The following WDR5 variants were observed in gnomAD, a reference collection of about 807,000 sequenced individuals.
WDR5 encodes WD repeat domain 5, also known as WD repeat-containing protein 5.
For synonymous variants in WDR5, 144 were observed against 161.6 expected, an observed-to-expected ratio of 0.89 and a Z score of 0.83; for missense variants, 187 against 416.9, an observed-to-expected ratio of 0.45 and a Z score of 4.80.
At chr9:134,137,609 G>A (rs1006747051) in intron 1 of WDR5, among the ~76,000 whole-genome samples, 4 of 147,292 alleles carry the variant, frequency 2.7e-5, no homozygotes, top group African/African-American at 1.0e-4. Flanking sequence ...ACTTGAACCC[G>A]GAAGGTGGAG....
At chr9:134,143,893 C>A (rs772027837) in intron 7 of WDR5, among the ~76,000 whole-genome samples, 2 of 151,948 alleles carry the variant, frequency 1.3e-5, no homozygotes, top group African/African-American at 4.8e-5. Context: ...ATAAACCGCT[C>A]CATTTCACAA....
chr9:134,153,373 C>T (rs2132576709), intron 9 of WDR5, among the ~76,000 whole-genome samples: 1 of 152,336 alleles, frequency 6.6e-6, no homozygotes, highest in African/African-American at 2.4e-5. Context: ...TCGGCGTCTC[C>T]TCAGGTCTAG....
intron 1 of WDR5, among the ~76,000 whole-genome samples, chr9:134,136,948 A>G (rs1831593659): frequency 6.6e-6 from 1 of 152,224 alleles, no homozygotes; most frequent in Non-Finnish European, 1.5e-5. Flanking sequence ...TGGGGAAGAC[A>G]GGAAAGCGAA....
chr9:134,158,599 G>A lies in WDR5; in HGVS notation c.*606G>A, dbSNP rs573930911. ...TTTGTGGCCCACATGCCGATAGCAC[G>A]GTCATCGCACATGACTCTCCCGTTT... On this transcript the variant is annotated 3_prime_UTR_variant, in exon 14 of 14. Transcript: ENST00000358625. 6.6e-6 allele frequency: 1 copy of A among 152,310 alleles called. No individual in the cohort carries two copies. Among genetic ancestry groups the A allele is most frequent in the East Asian group, 1.9e-4 (1 of 5,182 alleles). 9.4% of individuals were successfully genotyped at this position (152,310 alleles called of 1,614,324 possible). A position where few individuals can be genotyped will look rare whatever the true frequency, so the allele number is the denominator to read the frequency against.
intron 7 of WDR5, among the ~76,000 whole-genome samples, chr9:134,146,755 C>T (rs906506701): frequency 7.9e-5 from 12 of 152,210 alleles, no homozygotes; most frequent in African/African-American, 2.9e-4. Context: ...GTTACTGTTA[C>T]ATCCATCGTA....
chr9:134,155,630 T>C (rs1832712070), intron 11 of WDR5, 63 bp from the exon 12 acceptor site: 1 of 1,550,750 alleles, frequency 6.4e-7, no homozygotes, highest in African/African-American at 1.4e-5. Flanking sequence ...GCTTAGAACG[T>C]AGAATTACAC....
intron 6 of WDR5, 29 bp downstream of exon 6, chr9:134,142,451 G>A: frequency 6.2e-7 from 1 of 1,611,458 alleles, no homozygotes; most frequent in African/African-American, 1.3e-5. Flanking sequence ...TCTTCCCTGG[G>A]GGAGGTGGTG....
chr9:134,141,359 C>G, intron 3 of WDR5, 151 bp from the exon 4 acceptor site: 1 of 674,112 alleles, frequency 1.5e-6, no homozygotes. Context: ...GACTGGTCCT[C>G]TCAGGCATGT....
intron 7 of WDR5, among the ~76,000 whole-genome samples, chr9:134,145,096 G>GTTTTT (rs56864188): frequency 0.012 from 1,294 of 104,518 alleles, 71 homozygotes; most frequent in African/African-American, 0.018. Flanking sequence ...GTGGGGCTTT[G>GTTTTT]TTTTTTTTTT....
intron 1 of WDR5, among the ~76,000 whole-genome samples, chr9:134,138,833 T>A (rs1364607745): frequency 6.6e-6 from 1 of 152,216 alleles, no homozygotes; most frequent in East Asian, 1.9e-4. Flanking sequence ...GTGTGTAAAC[T>A]CATTAGATTG....
At chr9:134,140,611 G>A in intron 2 of WDR5, 92 bp from the exon 3 acceptor site, 1 of 1,036,738 alleles carries the variant, frequency 9.6e-7, no homozygotes, top group South Asian at 1.3e-5. Flanking sequence ...AAAGATCTGA[G>A]CTGAAATTAA....
At chr9:134,155,214 G>C (rs138913241) in intron 10 of WDR5, 126 bp from the exon 11 acceptor site, 172 of 1,182,614 alleles carry the variant, frequency 1.5e-4, no homozygotes, top group Admixed American at 1.1e-3. Context: ...GGGGAAGGGG[G>C]TTCCAGCCCC....
At chr9:134,147,064 AAAAG>A (rs1832246927) in intron 7 of WDR5, among the ~76,000 whole-genome samples, 1 of 152,274 alleles carries the variant, frequency 6.6e-6, no homozygotes, top group East Asian at 1.9e-4. Context: ...CTGGCACAAA[AAAAG>A]AAAGTAAAGT....
intron 9 of WDR5, among the ~76,000 whole-genome samples, chr9:134,153,863 G>A (rs188668275): frequency 1.3e-5 from 2 of 152,288 alleles, no homozygotes; most frequent in African/African-American, 2.4e-5. Flanking sequence ...TCTGAGGGTC[G>A]TGGGGTTGCC....
Position 134,157,826 on chromosome 9 carries a change from G to A in WDR5, c.905-67G>A. On this transcript the variant is annotated intron_variant, in intron 13 of 13. Coordinates refer to ENST00000358625, the MANE Select transcript of WDR5 (RefSeq NM_017588.3). This position sits in a 1 kb window ranked among gnomAD's most constrained non-coding sequence, Gnocchi z 5.0. ...CGTTTCTGGAGAAAGGTGGAGCTCA[G>A]TCTGGGATGGCGTCCCCGACCCAGG... 7.3e-6 allele frequency: 11 copies of A among 1,510,080 alleles called. No homozygotes were observed. The highest frequency in any genetic ancestry group is 9.2e-6 in the Non-Finnish European group (10 of 1,088,810). The allele number at this position is 1,510,080 out of a possible 1,614,324, so 93.5% of individuals were successfully genotyped here.
upstream of WDR5, chr9:134,135,270 C>T (rs1243930892): frequency 2.6e-5 from 4 of 152,172 alleles, no homozygotes; most frequent in Non-Finnish European, 5.9e-5. Context: ...CTCCTTAAGC[C>T]CCTGAGTCCT....
chr9:134,151,832 A>G (rs572824758), intron 8 of WDR5, 151 bp from the exon 9 acceptor site: 11 of 749,654 alleles, frequency 1.5e-5, no homozygotes, highest in Non-Finnish European at 2.2e-5. Context: ...TCCCTAGAAT[A>G]TAAGAGAATG....
chr9:134,136,781 G>A (rs1370162741), intron 1 of WDR5, among the ~76,000 whole-genome samples: 2 of 152,194 alleles, frequency 1.3e-5, no homozygotes, highest in African/African-American at 4.8e-5. Context: ...GCCATTTTGA[G>A]CGGTTACGTT....
Position 134,142,585 on chromosome 9 carries a change from G to GT in WDR5, c.445-48dup, listed in dbSNP as rs1831949746. ...ATAGCAGGTCTTAGGTTCTGGGGAG[G>GT]TTTGTCCCCTCTCCTTCCTGTAAAA... On this transcript the variant is annotated intron_variant, in intron 6 of 13. Transcript: ENST00000358625. The GT allele has an allele frequency of 2.5e-6, 4 of 1,603,442 alleles. No homozygotes were observed. In the African/African-American group the frequency reaches 4.0e-5, roughly 16 times the overall value.
Sources: gnomAD v4.1 joint callset for allele counts (sites outside exome capture counted in the v4.1 genomes callset) on GRCh38, gnomAD v4.1.1 for gene constraint, Gnocchi (gnomAD v3.1) non-coding constraint, MANE v1.5 for transcripts, NCBI Gene and HGNC (gene_info 2026-07-23, HGNC 2026-07-21) for gene names.